PSMC1: variants seen among roughly 807,000 people sequenced by gnomAD.
PSMC1 encodes 26S proteasome regulatory subunit 4.
In PSMC1, 5 loss-of-function variants were observed where a neutral mutation model predicts 49.8. The ratio of observed to expected loss-of-function variants is 0.10; its 90% CI spans 0.05 to 0.21. PSMC1 has a LOEUF of 0.21. Ranked by LOEUF, PSMC1 falls within the 10% of genes least tolerant of loss-of-function variation. PSMC1 has a pLI of 1.00. For missense variants in PSMC1, 181 were observed against 535.7 expected, an observed-to-expected ratio of 0.34 and a Z score of 6.54; for synonymous variants, 155 against 192.1, an observed-to-expected ratio of 0.81 and a Z score of 1.60.
chr14:90,266,414 C>A (rs184675761), intron 7 of PSMC1, among the ~76,000 whole-genome samples: 1 of 152,318 alleles, frequency 6.6e-6, no homozygotes, highest in Non-Finnish European at 1.5e-5. Flanking sequence ...GGGGTACCCA[C>A]AATGGAGAGA....
At position 90,265,180 on chromosome 14, in the gene PSMC1, T is replaced by C. The variant is rs759204087; in HGVS notation, c.691+14T>C. ...CACCTGGCACAGGTATGCTCTGTTT[T>C]TGACACTTTCCAGGCACCCAGCTGG... On this transcript the variant is annotated intron_variant, in intron 7 of 10. Transcript: ENST00000261303. 8 of 1,585,396 alleles carry C rather than the reference T, an allele frequency of 5.0e-6. No individual in the cohort carries two copies. The highest frequency in any genetic ancestry group is 1.7e-4 in the Middle Eastern group (1 of 6,028).
chr14:90,263,799 A>G lies in PSMC1; in HGVS notation c.417A>G (p.Val139=), dbSNP rs200576316. The G allele has an allele frequency of 5.0e-5, 80 of 1,614,164 alleles. No homozygotes were observed. The African/African-American group carries it at 7.9e-4, about 16-fold the overall frequency. The change falls in exon 5 of 11, where the codon GTA becomes GTG. Residue 139 remains valine (V), a synonymous_variant. Transcript: ENST00000261303. ...ACTACGTCAGCATTCTTTCATTTGT[A>G]GACAAGGATCTGCTGGAACCTGGCT... The part of the protein sequence containing the change: ...SEHYVSILSF[V]DKDLLEPGCS...
chr14:90,264,063 T>C lies in PSMC1; in HGVS notation c.488T>C (p.Leu163Pro). The C allele has an allele frequency of 1.2e-6, 2 of 1,612,334 alleles. No individual in the cohort carries two copies. The highest frequency in any genetic ancestry group is 1.7e-6 in the Non-Finnish European group (2 of 1,179,548). Residue 163 changes from leucine to proline, a missense_variant, in exon 6 of 11, where the codon CTG becomes CCG. This residue lies in a region of PSMC1 where 121 missense variants were observed against 358.6 expected (regional missense o/e 0.34). Transcript: ENST00000261303. ...TAGGTGCATGCCGTGATAGGGGTGC[T>C]GATGGATGACACGGATCCCCTGGTC... ...NHKVHAVIGV[L>P]MDDTDPLVTV... is the part of the protein sequence containing the mutation.
At position 90,274,836 on chromosome 14, in the gene PSMC1, ACACC is replaced by A. The variant is rs1891766547; in HGVS notation, c.*2431_*2434del. 1.7e-5 allele frequency: 1 copy of A among 59,236 alleles called. No individual in the cohort carries two copies. Among genetic ancestry groups the A allele is most frequent in the Non-Finnish European group, 3.8e-5 (1 of 26,642 alleles). The allele number at this position is 59,236 out of a possible 1,614,324, so 3.7% of individuals were successfully genotyped here. ...CACACACACACACACACACACACAC[ACACC>A]CCAATACATATGAATTGATCTGAAA... On this transcript the variant is annotated 3_prime_UTR_variant, in exon 11 of 11. Transcript: ENST00000261303.
At chr14:90,256,704 C>G (rs1286063235) in intron 1 of PSMC1, 104 bp downstream of exon 1, 7 of 1,507,958 alleles carry the variant, frequency 4.6e-6, no homozygotes, top group East Asian at 4.9e-5. Flanking sequence ...TGGGACAGCC[C>G]TCTTCTCCTT....
At chr14:90,261,880 T>C (rs1338717397) in intron 3 of PSMC1, among the ~76,000 whole-genome samples, 1 of 150,884 alleles carries the variant, frequency 6.6e-6, no homozygotes, top group Non-Finnish European at 1.5e-5. Context: ...CTATTCACAA[T>C]AGCAAAGACT....
intron 10 of PSMC1, chr14:90,271,613 C>T (rs975449966): frequency 1.3e-5 from 2 of 152,130 alleles, no homozygotes; most frequent in African/African-American, 4.8e-5. Flanking sequence ...TCAATTGCCT[C>T]TAAGTTTCAG....
At chr14:90,265,220 G>C in intron 7 of PSMC1, 54 bp downstream of exon 7, 1 of 1,236,006 alleles carries the variant, frequency 8.1e-7, no homozygotes, top group Non-Finnish European at 1.2e-6. Context: ...TTGAGCAGCA[G>C]CATTGGCTAG....
intron 6 of PSMC1, 37 bp from the exon 7 acceptor site, chr14:90,265,032 AT>A (rs757180062): frequency 2.1e-6 from 3 of 1,451,668 alleles, no homozygotes; most frequent in Non-Finnish European, 2.9e-6. Flanking sequence ...TATGCTAATA[AT>A]TTCAGTAAAG....
At chr14:90,269,088 T>C in intron 8 of PSMC1, 2 of 241,368 alleles carry the variant, frequency 8.3e-6, no homozygotes, top group Admixed American at 5.2e-5. Flanking sequence ...GTATAAGGCC[T>C]TTTTCTCTTT....
At position 90,259,196 on chromosome 14, in the gene PSMC1, G is replaced by T; in HGVS notation, c.40G>T (p.Gly14Cys). 1 of 1,613,852 alleles carries T rather than the reference G, an allele frequency of 6.2e-7. No homozygotes were observed. The highest frequency in any genetic ancestry group is 8.5e-7 in the Non-Finnish European group (1 of 1,179,850). ...SQSGGHGPGG[G>C]KKDDKDKKKK... is the part of the protein sequence containing the mutation. ...GAGTGGTGGTCATGGTCCTGGAGGTGGCAAGAAGGATGACAAGGTAAATAT... is the reference window on the plus strand; with the variant it reads ...GAGTGGTGGTCATGGTCCTGGAGGTTGCAAGAAGGATGACAAGGTAAATAT... The change falls in exon 2 of 11, where the codon GGC (glycine) becomes TGC (cysteine). Residue 14 changes from glycine (G) to cysteine (C), a missense_variant. Physicochemically the swap from Gly to Cys is radical, Grantham distance 159. Transcript: ENST00000261303.
chr14:90,268,495 G>T (rs367968578), intron 8 of PSMC1, 82 bp downstream of exon 8: 1 of 1,373,570 alleles, frequency 7.3e-7, no homozygotes, highest in Non-Finnish European at 1.0e-6. Context: ...AATCTCAGGG[G>T]GCTCTCCCTA....
intron 9 of PSMC1, 130 bp from the exon 10 acceptor site, chr14:90,270,068 T>G (rs1891622321): frequency 9.6e-6 from 9 of 938,908 alleles, no homozygotes; most frequent in Admixed American, 2.7e-5. Context: ...TTTTTAAAAT[T>G]TAGACATCCT....
At chr14:90,258,696 G>A (rs149462295) in intron 1 of PSMC1, among the ~76,000 whole-genome samples, 8 of 152,332 alleles carry the variant, frequency 5.3e-5, no homozygotes, top group African/African-American at 1.9e-4. Context: ...ATCTTGGTGT[G>A]ATCTAAGTAA....
At chr14:90,271,263 TG>T (rs1301529602) in intron 10 of PSMC1, 2 of 152,354 alleles carry the variant, frequency 1.3e-5, no homozygotes, top group Non-Finnish European at 1.5e-5. Flanking sequence ...TTGTGTTTTT[TG>T]CCACATCTTG....
intron 1 of PSMC1, among the ~76,000 whole-genome samples, chr14:90,257,154 C>G (rs1300552963): frequency 6.6e-6 from 1 of 152,170 alleles, no homozygotes. Flanking sequence ...ATAATAAAAA[C>G]AGCTAGCATT....
At chr14:90,268,802 G>C (rs1891585829) in intron 8 of PSMC1, 1 of 173,334 alleles carries the variant, frequency 5.8e-6, no homozygotes, top group Non-Finnish European at 1.2e-5. Flanking sequence ...AATATGATCT[G>C]TAACTTGGCT....
chr14:90,270,583 G>A, intron 10 of PSMC1: 1 of 450,772 alleles, frequency 2.2e-6, no homozygotes, highest in South Asian at 4.3e-5. Context: ...CCACAAGGCT[G>A]AGTCGCTGGT....
intron 2 of PSMC1, among the ~76,000 whole-genome samples, chr14:90,259,636 TTA>T (rs1891358802): frequency 6.3e-5 from 2 of 31,918 alleles, no homozygotes; most frequent in African/African-American, 1.4e-4. Flanking sequence ...TCATTTGTTA[TTA>T]TTATTATTAT....
Sources: gnomAD v4.1 joint callset for allele counts (sites outside exome capture counted in the v4.1 genomes callset) on GRCh38, gnomAD v4.1.1 for gene constraint, gnomAD v4.1.1 regional missense constraint, MANE v1.5 for transcripts, NCBI Gene and HGNC (gene_info 2026-07-23, HGNC 2026-07-21) for gene names.